The following PDZRN4 variants were observed in gnomAD, a reference collection of about 807,000 sequenced individuals.
PDZRN4 encodes PDZ domain-containing RING finger protein 4.
PDZRN4 carries 70 observed loss-of-function variants against 99.0 expected under a neutral mutation model. The ratio of observed to expected loss-of-function variants is 0.71; its 90% CI spans 0.58 to 0.86. The LOEUF (loss-of-function observed/expected upper bound fraction) is 0.86, where lower values mean the gene tolerates loss of function less well. Among genes scored for constraint, PDZRN4 ranks in the 40% least tolerant of loss-of-function variants. The probability of loss-of-function intolerance (pLI) is 0.00; values close to 1 mark genes in which losing one functional copy is unlikely to be tolerated. For missense variants in PDZRN4, 1,474 were observed against 1,331.2 expected, an observed-to-expected ratio of 1.11 and a Z score of -1.67; for synonymous variants, 551 against 501.6, an observed-to-expected ratio of 1.10 and a Z score of -1.32.
intron 3 of PDZRN4, among the ~76,000 whole-genome samples, chr12:41,430,976 CT>C (rs1261921334): frequency 3.3e-5 from 5 of 152,104 alleles, no homozygotes; most frequent in Non-Finnish European, 5.9e-5. Flanking sequence ...GTGCTACGGA[CT>C]TTTAAACAAC....
intron 3 of PDZRN4, among the ~76,000 whole-genome samples, chr12:41,288,790 A>T (rs565909844): frequency 2.0e-5 from 3 of 152,250 alleles, no homozygotes; most frequent in Admixed American, 2.0e-4. Context: ...TAGCGAATTT[A>T]AATTGATTGT....
intron 3 of PDZRN4, among the ~76,000 whole-genome samples, chr12:41,302,962 ACT>A (rs3046819): frequency 2.0e-5 from 3 of 147,312 alleles, no homozygotes; most frequent in African/African-American, 7.6e-5. Context: ...ACACACACAC[ACT>A]CACACACACA....
At chr12:41,477,641 A>G (rs930822010) in intron 3 of PDZRN4, among the ~76,000 whole-genome samples, 11 of 151,660 alleles carry the variant, frequency 7.3e-5, no homozygotes, top group African/African-American at 2.2e-4. Flanking sequence ...ACAAAAACAT[A>G]AGCCTTTTTT....
intron 3 of PDZRN4, among the ~76,000 whole-genome samples, chr12:41,466,638 GA>G (rs1163912303): frequency 3.3e-5 from 5 of 152,088 alleles, no homozygotes; most frequent in Non-Finnish European, 7.4e-5. Flanking sequence ...TAAAAACGTG[GA>G]GGGGGGGACA....
chr12:41,361,142 G>A (rs1951961441), intron 3 of PDZRN4, among the ~76,000 whole-genome samples: 1 of 151,984 alleles, frequency 6.6e-6, no homozygotes, highest in Admixed American at 6.6e-5. Flanking sequence ...TGAGAGATTA[G>A]TGTGCTAGTT....
intron 3 of PDZRN4, among the ~76,000 whole-genome samples, chr12:41,409,134 CTT>C (rs534472643): frequency 6.8e-4 from 104 of 152,106 alleles, no homozygotes; most frequent in African/African-American, 2.5e-3. Context: ...TAAAATGTCT[CTT>C]TAAAGTCATA....
chr12:41,530,984 G>C (rs1938651058), intron 5 of PDZRN4, among the ~76,000 whole-genome samples: 1 of 152,012 alleles, frequency 6.6e-6, no homozygotes, highest in South Asian at 2.1e-4. Context: ...CCCCACAGCA[G>C]TGTCTAGGGG....
intron 3 of PDZRN4, among the ~76,000 whole-genome samples, chr12:41,424,844 C>T (rs928051471): frequency 1.2e-4 from 18 of 152,102 alleles, no homozygotes; most frequent in African/African-American, 4.3e-4. Flanking sequence ...GAGAGAAAGA[C>T]TGAGAGCAGC....
chr12:41,365,046 G>T (rs978447512), intron 3 of PDZRN4, among the ~76,000 whole-genome samples: 17 of 152,110 alleles, frequency 1.1e-4, no homozygotes, highest in African/African-American at 4.1e-4. Flanking sequence ...ACCTAAAACT[G>T]CTGGGACAGT....
chr12:41,446,699 T>C (rs1191887674), intron 3 of PDZRN4, among the ~76,000 whole-genome samples: 2 of 151,794 alleles, frequency 1.3e-5, no homozygotes, highest in Non-Finnish European at 2.9e-5. Flanking sequence ...CATGAAGGAA[T>C]TAGAAGAAAG....
At chr12:41,442,686 G>A (rs1472712183) in intron 3 of PDZRN4, among the ~76,000 whole-genome samples, 2 of 152,142 alleles carry the variant, frequency 1.3e-5, no homozygotes, top group African/African-American at 4.8e-5. Context: ...TGAGGGTTCA[G>A]TTAGGTTTTT....
chr12:41,533,110 G>A (rs543883475), intron 5 of PDZRN4, among the ~76,000 whole-genome samples: 5 of 151,428 alleles, frequency 3.3e-5, no homozygotes, highest in Non-Finnish European at 7.4e-5. Flanking sequence ...TACAATTCAG[G>A]ATCATGAATT....
intron 7 of PDZRN4, among the ~76,000 whole-genome samples, chr12:41,558,067 G>T (rs189019312): frequency 6.6e-6 from 1 of 152,096 alleles, no homozygotes; most frequent in South Asian, 2.1e-4. Flanking sequence ...GACCATTTTC[G>T]TGTGTCATCC....
chr12:41,411,529 G>A (rs949420502), intron 3 of PDZRN4: 1 of 152,112 alleles, frequency 6.6e-6, no homozygotes, highest in African/African-American at 2.4e-5. Flanking sequence ...AATTGATTCA[G>A]AGTTCCTTGT....
Position 41,567,821 on chromosome 12 carries a change from C to G in PDZRN4, c.1506C>G (p.Phe502Leu). 6.2e-7 allele frequency: 1 copy of G among 1,613,266 alleles called. No individual in the cohort carries two copies. The highest frequency in any genetic ancestry group is 8.5e-7 in the Non-Finnish European group (1 of 1,179,530). ...GGCTGGAAGATGAAAGGAATGAATT[C>G]TTAGAGGAGTTAAACTTGGAGATGT... The part of the protein sequence containing the change: ...EGWLEDERNE[F>L]LEELNLEMLE... Residue 502 changes from phenylalanine (F) to leucine (L), a missense_variant, in exon 9 of 10, where the codon TTC (phenylalanine) becomes TTG (leucine). Transcript: ENST00000402685.
intron 3 of PDZRN4, among the ~76,000 whole-genome samples, chr12:41,486,643 T>C (rs921972362): frequency 6.6e-6 from 1 of 151,906 alleles, no homozygotes; most frequent in South Asian, 2.1e-4. Context: ...AGGAGGCAGA[T>C]TGACCAAATG....
chr12:41,465,645 T>A (rs1388763836), intron 3 of PDZRN4, among the ~76,000 whole-genome samples: 1 of 152,206 alleles, frequency 6.6e-6, no homozygotes, highest in Admixed American at 6.5e-5. Context: ...TCTTCCCCTT[T>A]CCTTCTCCCC....
chr12:41,336,438 T>A (rs767440175), intron 3 of PDZRN4, among the ~76,000 whole-genome samples: 12 of 152,104 alleles, frequency 7.9e-5, no homozygotes, highest in Non-Finnish European at 1.2e-4. Flanking sequence ...CAGAATATAG[T>A]TCTCCATATA....
chr12:41,261,238 A>G (rs946263110), intron 3 of PDZRN4, among the ~76,000 whole-genome samples: 2 of 152,190 alleles, frequency 1.3e-5, no homozygotes, highest in African/African-American at 4.8e-5. Flanking sequence ...GCATTTCGAA[A>G]AACGTATTCA....
Sources: allele counts gnomAD v4.1 joint callset (sites outside exome capture counted in the v4.1 genomes callset), GRCh38; gene constraint gnomAD v4.1.1; transcripts MANE v1.5; gene names NCBI Gene and HGNC (gene_info 2026-07-23, HGNC 2026-07-21).